Variants in CNTNAP2 observed in about 807,000 individuals in gnomAD.
CNTNAP2 encodes contactin associated protein 2, also known as contactin-associated protein-like 2.
CNTNAP2 carries 98 observed loss-of-function variants against 155.2 expected under a neutral mutation model. The observed-to-expected ratio is 0.63, with a 90% CI of 0.54 to 0.75. CNTNAP2 has a LOEUF of 0.75. Among genes scored for constraint, CNTNAP2 ranks in the 30% least tolerant of loss-of-function variants. The pLI is 0.00. For synonymous variants in CNTNAP2, 651 were observed against 631.2 expected (o/e 1.03, Z -0.47); for missense variants, 1,727 against 1,688.1 (o/e 1.02, Z -0.40).
At chr7:147,895,495 T>C (rs957411589) in intron 13 of CNTNAP2, among the ~76,000 whole-genome samples, 6 of 152,212 alleles carry the variant, frequency 3.9e-5, no homozygotes, top group African/African-American at 1.4e-4. Flanking sequence ...CTAGTTAACT[T>C]AGAATGCCAT....
At chr7:147,906,184 A>G (rs1799954363) in intron 14 of CNTNAP2, among the ~76,000 whole-genome samples, 1 of 151,634 alleles carries the variant, frequency 6.6e-6, no homozygotes, top group African/African-American at 2.4e-5. Context: ...GTAGAATTAC[A>G]GGTTGAAAAC....
chr7:146,959,046 G>A (rs1233940563), intron 3 of CNTNAP2, among the ~76,000 whole-genome samples: 3 of 151,396 alleles, frequency 2.0e-5, no homozygotes, highest in African/African-American at 7.3e-5. Flanking sequence ...TTGAGATGTA[G>A]TCTTGCTCTG....
intron 9 of CNTNAP2, among the ~76,000 whole-genome samples, chr7:147,370,129 C>G (rs1015092676): frequency 6.9e-6 from 1 of 144,990 alleles, no homozygotes; most frequent in Non-Finnish European, 1.6e-5. Context: ...TATGTGCATA[C>G]TCTGTGTGCA....
intron 2 of CNTNAP2, among the ~76,000 whole-genome samples, chr7:146,786,300 C>A (rs1434822373): frequency 6.6e-6 from 1 of 152,050 alleles, no homozygotes; most frequent in Admixed American, 6.5e-5. Context: ...ATTGGGAGGA[C>A]TTAATCTAAT....
At chr7:146,442,410 T>C (rs1432526372) in intron 1 of CNTNAP2, among the ~76,000 whole-genome samples, 1 of 147,122 alleles carries the variant, frequency 6.8e-6, no homozygotes. Context: ...TAGAGGAAAC[T>C]AGGAAAAATT....
At chr7:146,298,892 C>A (rs1286103328) in intron 1 of CNTNAP2, among the ~76,000 whole-genome samples, 1 of 152,132 alleles carries the variant, frequency 6.6e-6, no homozygotes, top group Non-Finnish European at 1.5e-5. Flanking sequence ...CGTGCTAGCA[C>A]CTCCATTTGA....
chr7:146,996,619 T>C (rs1260817801), intron 3 of CNTNAP2, among the ~76,000 whole-genome samples: 2 of 152,154 alleles, frequency 1.3e-5, no homozygotes, highest in South Asian at 2.1e-4. Context: ...GTGGAGTCTT[T>C]AGAGTTTTCT....
At chr7:146,875,016 CCTT>C (rs1795391712) in intron 3 of CNTNAP2, among the ~76,000 whole-genome samples, 3 of 152,270 alleles carry the variant, frequency 2.0e-5, no homozygotes, top group South Asian at 2.1e-4. Context: ...GGAAAGACCT[CCTT>C]CTTTTGTAAA....
chr7:146,571,842 CCA>C, intron 1 of CNTNAP2, among the ~76,000 whole-genome samples: 2 of 151,916 alleles, frequency 1.3e-5, no homozygotes, highest in Admixed American at 1.3e-4. Flanking sequence ...AGTGATTCTC[CCA>C]TCTCAGGTTC....
intron 23 of CNTNAP2, among the ~76,000 whole-genome samples, chr7:148,414,441 A>G (rs1799930988): frequency 6.6e-6 from 1 of 150,566 alleles, no homozygotes; most frequent in Non-Finnish European, 1.5e-5. Context: ...CCTCATTTTG[A>G]TCATGTTTTC....
intron 1 of CNTNAP2, among the ~76,000 whole-genome samples, chr7:146,702,261 C>A (rs146226480): frequency 6.6e-6 from 1 of 151,744 alleles, no homozygotes; most frequent in Admixed American, 6.6e-5. Flanking sequence ...TTCTATTAAA[C>A]GGGTATAGAA....
chr7:147,577,327 T>C (rs1800413822), intron 12 of CNTNAP2, among the ~76,000 whole-genome samples: 1 of 152,114 alleles, frequency 6.6e-6, no homozygotes. Flanking sequence ...GTCTTCCCTC[T>C]GTGTTCTCCA....
In CNTNAP2 at chr7:147,471,031, G is replaced by A. The variant is rs117794581; in HGVS notation, c.1671-14904G>A. ...AAGTGTAGAAATTTGCAAGCCAACT[G>A]AAGAGTGCTTCAAGGTTAAATGCTG... On this transcript the variant is annotated intron_variant, in intron 10 of 23. Transcript: ENST00000361727. Among the ~76,000 whole-genome samples, 51 of 152,286 alleles carry A rather than the reference G, an allele frequency of 3.3e-4. No individual in the cohort carries two copies. The East Asian group carries it at 8.7e-3, about 26-fold the overall frequency.
chr7:146,679,218 T>C lies in CNTNAP2; in HGVS notation c.98-95053T>C, dbSNP rs374212843. Among the ~76,000 whole-genome samples, 332 of 152,262 alleles carry C rather than the reference T, an allele frequency of 2.2e-3. 3 individuals are homozygous for C. Among genetic ancestry groups the C allele is most frequent in the African/African-American group, 7.9e-3 (327 of 41,558 alleles). ...TTGTTCCCTTTATGTGCCCATGTGT[T>C]CCCATCATTTAGCTTCCACTTACAA... On this transcript the variant is annotated intron_variant, in intron 1 of 23. Coordinates refer to ENST00000361727, the MANE Select transcript of CNTNAP2 (RefSeq NM_014141.6).
intron 9 of CNTNAP2, among the ~76,000 whole-genome samples, chr7:147,365,054 TA>T (rs1203993325): frequency 3.3e-5 from 5 of 152,142 alleles, no homozygotes; most frequent in African/African-American, 9.7e-5. Context: ...GAATTTGGGA[TA>T]TTTTTTGTCA....
intron 13 of CNTNAP2, among the ~76,000 whole-genome samples, chr7:147,686,182 T>G (rs1471373505): frequency 1.3e-5 from 2 of 151,982 alleles, no homozygotes; most frequent in Non-Finnish European, 2.9e-5. Context: ...GTGATATAGG[T>G]GATGAGAATC....
intron 9 of CNTNAP2, among the ~76,000 whole-genome samples, chr7:147,363,408 A>C (rs1796176663): frequency 6.6e-6 from 1 of 152,188 alleles, no homozygotes. Flanking sequence ...TAAGACACCT[A>C]TTTGTAAAGA....
chr7:146,954,990 A>C (rs1407106008), intron 3 of CNTNAP2, among the ~76,000 whole-genome samples: 1 of 151,948 alleles, frequency 6.6e-6, no homozygotes, highest in Non-Finnish European at 1.5e-5. Context: ...TGCAGTGGGA[A>C]ACAAAAAAGA....
rs141901255 is a variant in CNTNAP2 at position 146,656,272 on chromosome 7, A to G, written c.98-117999A>G. 2.7e-3 allele frequency among the ~76,000 whole-genome samples: 413 copies of G among 152,304 alleles called. 3 individuals are homozygous for G. Among genetic ancestry groups the G allele is most frequent in the African/African-American group, 9.4e-3 (390 of 41,568 alleles). ...ACACACTCGTTCTGCATTCCAAACAATTTCACCTGGCAAAGGAACTAAGTA... is the reference window on the plus strand; with the variant it reads ...ACACACTCGTTCTGCATTCCAAACAGTTTCACCTGGCAAAGGAACTAAGTA... On this transcript the variant is annotated intron_variant, in intron 1 of 23. Coordinates refer to ENST00000361727, the MANE Select transcript of CNTNAP2 (RefSeq NM_014141.6).
Sources: gnomAD v4.1 joint callset for allele counts (sites outside exome capture counted in the v4.1 genomes callset) on GRCh38, gnomAD v4.1.1 for gene constraint, MANE v1.5 for transcripts, NCBI Gene and HGNC (gene_info 2026-07-23, HGNC 2026-07-21) for gene names.